Variants in KATNIP observed in about 807,000 individuals in gnomAD.
KATNIP encodes katanin interacting protein, also known as katanin-interacting protein.
A neutral mutation model predicts 174.0 loss-of-function variants in KATNIP; 126 were observed. The ratio of observed to expected loss-of-function variants is 0.72; its 90% CI spans 0.63 to 0.84. KATNIP has a LOEUF of 0.84. Among genes scored for constraint, KATNIP ranks in the 40% least tolerant of loss-of-function variants. The pLI, the probability that KATNIP is intolerant of heterozygous loss-of-function variation, is 0.00. For missense variants in KATNIP, 1,958 were observed against 2,109.7 expected (o/e 0.93, Z 1.41); for synonymous variants, 810 against 835.7 (o/e 0.97, Z 0.53).
At chr16:27,561,520 C>G (rs1245838769) in intron 1 of KATNIP, among the ~76,000 whole-genome samples, 1 of 152,148 alleles carries the variant, frequency 6.6e-6, no homozygotes, top group African/African-American at 2.4e-5. Context: ...GAGCCCACTG[C>G]TACCTTGACC....
chr16:27,736,786 GAAGT>G (rs1292197782), intron 14 of KATNIP, among the ~76,000 whole-genome samples: 1 of 152,216 alleles, frequency 6.6e-6, no homozygotes, highest in African/African-American at 2.4e-5. Context: ...TGTGGAAAAT[GAAGT>G]GAGTGCAGGG....
chr16:27,714,107 A>G (rs1373657187), intron 13 of KATNIP, among the ~76,000 whole-genome samples: 1 of 151,258 alleles, frequency 6.6e-6, no homozygotes, highest in Admixed American at 6.6e-5. Flanking sequence ...AGTTTTTCAC[A>G]TTGCTTCTCC....
At chr16:27,608,823 C>T (rs1235867008) in intron 2 of KATNIP, among the ~76,000 whole-genome samples, 1 of 152,188 alleles carries the variant, frequency 6.6e-6, no homozygotes, top group Admixed American at 6.5e-5. Context: ...CTCCTTGGAC[C>T]TTCCGCTGTA....
intron 1 of KATNIP, among the ~76,000 whole-genome samples, chr16:27,553,215 G>A (rs1189650600): frequency 1.3e-5 from 2 of 152,130 alleles, no homozygotes; most frequent in Admixed American, 1.3e-4. Context: ...CCATTATACG[G>A]TATTTAAAAA....
chr16:27,662,069 T>TAC (rs1280159553), intron 6 of KATNIP, among the ~76,000 whole-genome samples: 1 of 87,618 alleles, frequency 1.1e-5, no homozygotes, highest in Non-Finnish European at 2.2e-5. Flanking sequence ...TATATATATA[T>TAC]ATACACACAT....
chr16:27,590,680 C>T (rs537662798), intron 2 of KATNIP, among the ~76,000 whole-genome samples: 20 of 152,192 alleles, frequency 1.3e-4, no homozygotes, highest in Non-Finnish European at 2.2e-4. Context: ...GGTATCCCCA[C>T]GGGAGCTCTC....
chr16:27,624,851 T>A (rs1354967395), intron 3 of KATNIP, among the ~76,000 whole-genome samples: 1 of 152,132 alleles, frequency 6.6e-6, no homozygotes, highest in Non-Finnish European at 1.5e-5. Flanking sequence ...CATTGAGAGC[T>A]TTCCTCATTC....
chr16:27,619,917 C>T (rs573806553), intron 3 of KATNIP, among the ~76,000 whole-genome samples: 1 of 152,308 alleles, frequency 6.6e-6, no homozygotes, highest in South Asian at 2.1e-4. Flanking sequence ...TTTCCATCAT[C>T]ATTAATGCCA....
chr16:27,674,750 G>T (rs1382004438), intron 6 of KATNIP, among the ~76,000 whole-genome samples: 1 of 152,126 alleles, frequency 6.6e-6, no homozygotes, highest in Non-Finnish European at 1.5e-5. Context: ...ATCTTTGGGG[G>T]CTATTTATCC....
intron 18 of KATNIP, among the ~76,000 whole-genome samples, chr16:27,760,910 G>A (rs1822005390): frequency 6.6e-6 from 1 of 152,152 alleles, no homozygotes; most frequent in African/African-American, 2.4e-5. Flanking sequence ...TCTGAAGGGT[G>A]CTCACAAGTC....
At chr16:27,720,748 C>T (rs2080191211) in intron 13 of KATNIP, among the ~76,000 whole-genome samples, 1 of 152,104 alleles carries the variant, frequency 6.6e-6, no homozygotes, top group Non-Finnish European at 1.5e-5. Context: ...TGCAAGCAAG[C>T]AGAGGCCCAG....
Position 27,677,836 on chromosome 16 carries a change from G to A in KATNIP, c.648G>A (p.Glu216=), listed in dbSNP as rs1429935599. 35 of 1,614,224 alleles carry A rather than the reference G, an allele frequency of 2.2e-5. No homozygotes were observed. The highest frequency in any genetic ancestry group is 2.6e-5 in the Non-Finnish European group (31 of 1,180,030). ...SIEEDILSEP[E]PEDPALVGHP... ...AGGAAGACATACTCTCTGAGCCTGA[G>A]CCAGAGGACCCGGCACTGGTGGGCC... Residue 216 remains glutamate, a synonymous_variant, in exon 7 of 28, where the codon GAG becomes GAA. Coordinates refer to ENST00000261588, the MANE Select transcript of KATNIP (RefSeq NM_015202.5).
chr16:27,715,146 T>C (rs1432914403), intron 13 of KATNIP, among the ~76,000 whole-genome samples: 1 of 152,258 alleles, frequency 6.6e-6, no homozygotes, highest in Non-Finnish European at 1.5e-5. Context: ...CATGGATTTA[T>C]AGTCAATTGA....
intron 16 of KATNIP, 22 bp downstream of exon 16, chr16:27,750,328 T>C (rs1211386381): frequency 6.3e-7 from 1 of 1,580,862 alleles, no homozygotes; most frequent in South Asian, 1.2e-5. Flanking sequence ...CTGTAAGAAT[T>C]TTCTCAGAGC....
At chr16:27,662,963 A>T (rs1003051129) in intron 6 of KATNIP, among the ~76,000 whole-genome samples, 1 of 152,088 alleles carries the variant, frequency 6.6e-6, no homozygotes, top group South Asian at 2.1e-4. Flanking sequence ...TTGAGCAAGT[A>T]TACGTTATTT....
At chr16:27,577,756 T>G (rs533821106) in intron 2 of KATNIP, among the ~76,000 whole-genome samples, 42 of 151,876 alleles carry the variant, frequency 2.8e-4, no homozygotes, top group African/African-American at 9.4e-4. Flanking sequence ...GCCTGTGATC[T>G]CAGCTACCCT....
rs140350174 is a variant in KATNIP at position 27,633,817 on chromosome 16, G to C, written c.408+2655G>C. 2.0e-3 allele frequency among the ~76,000 whole-genome samples: 302 copies of C among 152,296 alleles called. 3 individuals carry two copies. Among genetic ancestry groups the C allele is most frequent in the African/African-American group, 6.4e-3 (267 of 41,548 alleles). ...AGAGTTGCATAGCTACTAAGGAAGAGGGCAGGCTGGGATTTGAACTCTGGG... is the reference window on the plus strand; with the variant it reads ...AGAGTTGCATAGCTACTAAGGAAGACGGCAGGCTGGGATTTGAACTCTGGG... On this transcript the variant is annotated intron_variant, in intron 5 of 27. Coordinates refer to ENST00000261588, the MANE Select transcript of KATNIP (RefSeq NM_015202.5).
intron 19 of KATNIP, among the ~76,000 whole-genome samples, chr16:27,763,458 A>C (rs2082019213): frequency 1.3e-5 from 2 of 148,810 alleles, no homozygotes; most frequent in South Asian, 4.3e-4. Flanking sequence ...AAAAAAAAAA[A>C]AAAAAAAAAT....
intron 18 of KATNIP, chr16:27,755,616 C>T (rs1390998524): frequency 6.6e-6 from 1 of 152,176 alleles, no homozygotes; most frequent in Non-Finnish European, 1.5e-5. Flanking sequence ...AGGGGCATGG[C>T]TTTTTATTTT....
Sources: gnomAD v4.1 joint callset for allele counts (sites outside exome capture counted in the v4.1 genomes callset) on GRCh38, gnomAD v4.1.1 for gene constraint, MANE v1.5 for transcripts, NCBI Gene and HGNC (gene_info 2026-07-23, HGNC 2026-07-21) for gene names.